Variants in IL27RA observed in about 807,000 individuals in gnomAD.
IL27RA encodes the protein interleukin-27 receptor subunit alpha.
In IL27RA, 61 loss-of-function variants were observed where a neutral mutation model predicts 80.8. That is an observed-to-expected ratio of 0.76 (90% CI 0.61 to 0.93). IL27RA has a LOEUF of 0.93. Among genes scored for constraint, IL27RA ranks in the 40% least tolerant of loss-of-function variants. The pLI is 0.00. For missense variants in IL27RA, 735 were observed against 808.1 expected (o/e 0.91, Z 1.10); for synonymous variants, 316 against 332.5 (o/e 0.95, Z 0.54).
intron 4 of IL27RA, 134 bp downstream of exon 4, chr19:14,040,044 G>C (rs1220067579): frequency 1.2e-6 from 1 of 863,638 alleles, no homozygotes; most frequent in Non-Finnish European, 1.8e-6. Flanking sequence ...CAAAATGCCT[G>C]CATGTGCCTC....
chr19:14,046,946 G>A (rs1238786978), intron 8 of IL27RA, among the ~76,000 whole-genome samples: 3 of 151,850 alleles, frequency 2.0e-5, no homozygotes, highest in African/African-American at 7.3e-5. Flanking sequence ...GCAGTGAGCC[G>A]AGATTGCGCC....
At chr19:14,049,582 ATTTTTTT>A (rs767841478) in intron 10 of IL27RA, among the ~76,000 whole-genome samples, 2 of 136,818 alleles carry the variant, frequency 1.5e-5, no homozygotes, top group African/African-American at 5.4e-5. Flanking sequence ...GTATGGTTCC[ATTTTTTT>A]TTTTTTTTTT....
intron 10 of IL27RA, among the ~76,000 whole-genome samples, chr19:14,049,714 TG>T (rs1157170228): frequency 6.6e-6 from 1 of 151,660 alleles, no homozygotes; most frequent in East Asian, 2.0e-4. Context: ...CCTGAGTAGC[TG>T]GGATTACAGG....
At chr19:14,040,519 A>T (rs776553238) in intron 4 of IL27RA, among the ~76,000 whole-genome samples, 1 of 151,862 alleles carries the variant, frequency 6.6e-6, no homozygotes, top group Non-Finnish European at 1.5e-5. Context: ...ACTCGTCTCT[A>T]AGAAGTTAAA....
At chr19:14,051,368 A>C (rs1444166075) in intron 11 of IL27RA, among the ~76,000 whole-genome samples, 4 of 152,020 alleles carry the variant, frequency 2.6e-5, no homozygotes, top group African/African-American at 9.7e-5. Context: ...AATGTGGTGA[A>C]ACCCCATCTC....
intron 10 of IL27RA, among the ~76,000 whole-genome samples, chr19:14,050,511 CAA>C (rs34034204): frequency 0.39 from 39,211 of 99,382 alleles, 5,678 homozygotes; most frequent in East Asian, 0.51. Flanking sequence ...GACTTCATGT[CAA>C]AAAAAAAAAA....
chr19:14,034,280 G>A (rs1427371143), intron 2 of IL27RA, among the ~76,000 whole-genome samples: 2 of 152,182 alleles, frequency 1.3e-5, no homozygotes, highest in Non-Finnish European at 2.9e-5. Flanking sequence ...TGGGCTAAGT[G>A]AGGGAAGAGG....
At chr19:14,037,931 A>G (rs1975930688) in intron 2 of IL27RA, among the ~76,000 whole-genome samples, 1 of 149,964 alleles carries the variant, frequency 6.7e-6, no homozygotes, top group Non-Finnish European at 1.5e-5. Flanking sequence ...CCCTGGTTCA[A>G]GCGATTCTCC....
chr19:14,036,582 C>T (rs1272586131), intron 2 of IL27RA, among the ~76,000 whole-genome samples: 4 of 148,138 alleles, frequency 2.7e-5, no homozygotes, highest in East Asian at 4.0e-4. Flanking sequence ...TCTGCCTCCC[C>T]GGTCCAAGCG....
Position 14,049,003 on chromosome 19 carries a change from C to G in IL27RA, c.1164C>G (p.Pro388=). ...CAGGGAATTTCACTGTCGGGGTCCC[C>G]TATCGAATCACTGTGACCGCAGTCT... is the stretch of plus-strand genomic sequence containing the variant. ...LLPGNFTVGV[P]YRITVTAVSA... The change falls in exon 9 of 14, where the codon CCC becomes CCG. Residue 388 remains proline (P), a synonymous_variant. Transcript: ENST00000263379. 6.2e-7 allele frequency: 1 copy of G among 1,614,030 alleles called. No homozygotes were observed. Among genetic ancestry groups the G allele is most frequent in the East Asian group, 2.2e-5 (1 of 44,892 alleles).
Position 14,051,711 on chromosome 19 carries a change from C to T in IL27RA, c.1622+11C>T, listed in dbSNP as rs143443065. On this transcript the variant is annotated intron_variant, in intron 12 of 13. Coordinates refer to ENST00000263379, the MANE Select transcript of IL27RA (RefSeq NM_004843.4). ...GGCCACCTCTGGAAGGTGAGGCTGT[C>T]GGATACATGCATCTCTACCCACGTG... 407 of 1,580,160 alleles carry T rather than the reference C, an allele frequency of 2.6e-4. 2 individuals carry two copies. The African/African-American group carries it at 4.9e-3, about 19-fold the overall frequency.
chr19:14,032,522 C>T lies in IL27RA; in HGVS notation c.218+19C>T, dbSNP rs1436164181. On this transcript the variant is annotated intron_variant, in intron 2 of 13. Coordinates refer to ENST00000263379, the MANE Select transcript of IL27RA (RefSeq NM_004843.4). ...AAAAGTAGTGAGTACAGGGAGGTGA[C>T]GTGGGGAAACAGGCTTTGGAGGTGG... 1.3e-6 allele frequency: 2 copies of T among 1,540,328 alleles called. No individual in the cohort carries two copies. Among genetic ancestry groups the T allele is most frequent in the Non-Finnish European group, 9.0e-7 (1 of 1,117,180 alleles).
chr19:14,051,778 G>A, intron 12 of IL27RA, 78 bp downstream of exon 12: 1 of 1,433,104 alleles, frequency 7.0e-7, no homozygotes, highest in South Asian at 1.2e-5. Context: ...CAGGGGGCTT[G>A]AAGGGAGGCC....
At chr19:14,035,369 G>A (rs965901434) in intron 2 of IL27RA, among the ~76,000 whole-genome samples, 3 of 151,544 alleles carry the variant, frequency 2.0e-5, no homozygotes, top group Non-Finnish European at 4.4e-5. Flanking sequence ...GTGCTATCCC[G>A]GTTACCATTC....
rs770272211 is a variant in IL27RA, at chr19:14,050,890, G to T, written c.1528+7G>T. 6.2e-7 allele frequency: 1 copy of T among 1,602,280 alleles called. No homozygotes were observed. The highest frequency in any genetic ancestry group is 8.5e-7 in the Non-Finnish European group (1 of 1,171,584). ...CTCCGGCTTCATCTACCAGGTAGGG[G>T]GGTTGGGATGGGATTGCCACAGGGA... On this transcript the variant is annotated splice_region_variant and intron_variant, in intron 11 of 13. Coordinates refer to ENST00000263379, the MANE Select transcript of IL27RA (RefSeq NM_004843.4).
intron 6 of IL27RA, among the ~76,000 whole-genome samples, chr19:14,043,451 G>A (rs940316732): frequency 1.3e-5 from 2 of 151,836 alleles, no homozygotes; most frequent in African/African-American, 2.4e-5. Context: ...ATGGAGTCTC[G>A]CTCTGTTGCC....
intron 12 of IL27RA, 52 bp from the exon 13 acceptor site, chr19:14,051,828 T>G: frequency 6.8e-7 from 1 of 1,472,256 alleles, no homozygotes; most frequent in Non-Finnish European, 9.4e-7. Flanking sequence ...CACCCTGGGC[T>G]GGGGCATCTG....
At chr19:14,038,616 G>A (rs1037460943) in intron 2 of IL27RA, among the ~76,000 whole-genome samples, 4 of 151,664 alleles carry the variant, frequency 2.6e-5, no homozygotes, top group African/African-American at 9.7e-5. Flanking sequence ...CGGGCGCAGT[G>A]GCTCACGCCT....
chr19:14,052,062 G>C (rs1249164563), intron 13 of IL27RA, 34 bp from the exon 14 acceptor site: 1 of 1,602,108 alleles, frequency 6.2e-7, no homozygotes, highest in Admixed American at 1.7e-5. Context: ...GGTCGGGGAG[G>C]CTGGGGCAGG....
Sources: gnomAD v4.1 joint callset for allele counts (sites outside exome capture counted in the v4.1 genomes callset) on GRCh38, gnomAD v4.1.1 for gene constraint, MANE v1.5 for transcripts, NCBI Gene and HGNC (gene_info 2026-07-23, HGNC 2026-07-21) for gene names.